SREK1IP1: variants seen among roughly 807,000 people sequenced by gnomAD.
The protein encoded by SREK1IP1 is protein SREK1IP1.
A neutral mutation model predicts 22.8 loss-of-function variants in SREK1IP1; 12 were observed. The ratio of observed to expected loss-of-function variants is 0.53; its 90% confidence interval spans 0.34 to 0.85. The LOEUF (loss-of-function observed/expected upper bound fraction) is 0.85. SREK1IP1 is among the 40% of genes least tolerant of loss of function. SREK1IP1 has a pLI of 0.02. For synonymous variants in SREK1IP1, 53 were observed against 52.7 expected, an observed-to-expected ratio of 1.01 and a Z score of -0.02; for missense variants, 147 against 171.8, an observed-to-expected ratio of 0.86 and a Z score of 0.81.
rs892565083 is a variant in SREK1IP1, at chr5:64,722,462, ATATTT to A, written c.*1917_*1921del. 18 of 152,194 alleles carry A rather than the reference ATATTT, an allele frequency of 1.2e-4. No individual in the cohort carries two copies. Among genetic ancestry groups the A allele is most frequent in the African/African-American group, 4.1e-4 (17 of 41,460 alleles). The allele number at this position is 152,194 out of a possible 1,614,324, so 9.4% of individuals were successfully genotyped here. ...TGTAGCATTTTCTAATTATTTTTTA[ATATTT>A]TATTTTACTGTTATTTTTTCAAGGC... On this transcript the variant is annotated 3_prime_UTR_variant, in exon 5 of 5. Coordinates refer to ENST00000513458, the MANE Select transcript of SREK1IP1 (RefSeq NM_173829.4).
intron 3 of SREK1IP1, 117 bp downstream of exon 3, chr5:64,740,940 T>C (rs1437297720): frequency 3.3e-6 from 3 of 904,034 alleles, no homozygotes; most frequent in African/African-American, 3.4e-5. Context: ...CTATTTCCTA[T>C]GCAGTAGCTC....
At position 64,754,837 on chromosome 5, in the gene SREK1IP1, C is replaced by A. The variant is rs537630978; in HGVS notation, c.14-475G>T. ...CTTAATGACCTACTCAATTATATGACTCTTATAAATCAACAGAAAGGCCAA... is the reference window on the plus strand; with the variant it reads ...CTTAATGACCTACTCAATTATATGAATCTTATAAATCAACAGAAAGGCCAA... On this transcript the variant is annotated intron_variant, in intron 1 of 4. Transcript: ENST00000513458. The A allele has an allele frequency of 5.9e-5, 9 of 152,594 alleles. No individual in the cohort carries two copies. The East Asian group carries it at 1.7e-3, about 29-fold the overall frequency. The allele number at this position is 152,594 out of a possible 1,614,324, so 9.5% of individuals were successfully genotyped here. A position where few individuals can be genotyped will look rare whatever the true frequency, so the allele number is the denominator to read the frequency against.
chr5:64,741,817 A>C (rs571243248), intron 2 of SREK1IP1, among the ~76,000 whole-genome samples: 1 of 151,570 alleles, frequency 6.6e-6, no homozygotes, highest in Non-Finnish European at 1.5e-5. Context: ...TATAAAAGTA[A>C]AGAAAATAAT....
At position 64,753,862 on chromosome 5, in the gene SREK1IP1, T is replaced by C. The variant is rs530652605; in HGVS notation, c.61+453A>G. 2.6e-5 allele frequency among the ~76,000 whole-genome samples: 4 copies of C among 152,300 alleles called. No individual in the cohort carries two copies. In the East Asian group the frequency reaches 7.7e-4, roughly 29 times the overall value. Reference sequence around the variant, plus strand: ...CTCACTTAATCATAATGGAGATTAATAATTGTTTAAATCAAGTTTTCGCCC... The same window carrying C: ...CTCACTTAATCATAATGGAGATTAACAATTGTTTAAATCAAGTTTTCGCCC... On this transcript the variant is annotated intron_variant, in intron 2 of 4. Coordinates refer to ENST00000513458, the MANE Select transcript of SREK1IP1 (RefSeq NM_173829.4).
rs185371138 is a variant in SREK1IP1, at chr5:64,751,280, T to C, written c.61+3035A>G. On this transcript the variant is annotated intron_variant, in intron 2 of 4. Coordinates refer to ENST00000513458, the MANE Select transcript of SREK1IP1 (RefSeq NM_173829.4). ...TCCCTCGGTTTATGCCTATATTATT[T>C]TACTCCACCATCTGATATTGTACTC... Among the ~76,000 whole-genome samples, 25 of 152,370 alleles carry C rather than the reference T, an allele frequency of 1.6e-4. No homozygotes were observed. In the East Asian group the frequency reaches 4.2e-3, roughly 26 times the overall value.
Position 64,719,125 on chromosome 5 carries a change from T to G in SREK1IP1, c.*5259A>C, listed in dbSNP as rs1395133955. Reference sequence around the variant, plus strand: ...TGATGATGGAAATGTTCTTTCTATATCTGCACTAATATGGTAGCCACCAGT... The same window carrying G: ...TGATGATGGAAATGTTCTTTCTATAGCTGCACTAATATGGTAGCCACCAGT... On this transcript the variant is annotated 3_prime_UTR_variant, in exon 5 of 5. Transcript: ENST00000513458. 1 of 152,214 alleles carries G rather than the reference T, an allele frequency of 6.6e-6. No individual in the cohort carries two copies. The highest frequency in any genetic ancestry group is 1.5e-5 in the Non-Finnish European group (1 of 68,026). The allele number at this position is 152,214 out of a possible 1,614,324, so 9.4% of individuals were successfully genotyped here.
chr5:64,753,750 T>C (rs892250588), intron 2 of SREK1IP1, among the ~76,000 whole-genome samples: 7 of 152,248 alleles, frequency 4.6e-5, no homozygotes, highest in African/African-American at 1.7e-4. Context: ...CTTTAGGCAT[T>C]ACTATATTTA....
chr5:64,754,168 A>G (rs1742796519), intron 2 of SREK1IP1, 147 bp downstream of exon 2: 1 of 685,498 alleles, frequency 1.5e-6, no homozygotes, highest in South Asian at 2.2e-5. Context: ...TAGTGCTAAC[A>G]GAGGAATTTC....
At chr5:64,747,699 T>C (rs759933714) in intron 2 of SREK1IP1, among the ~76,000 whole-genome samples, 6 of 149,772 alleles carry the variant, frequency 4.0e-5, no homozygotes, top group Non-Finnish European at 8.9e-5. Flanking sequence ...GAGGTAGAGG[T>C]GGGTGGATCA....
chr5:64,739,067 G>A (rs1461795595), intron 3 of SREK1IP1, among the ~76,000 whole-genome samples: 1 of 152,050 alleles, frequency 6.6e-6, no homozygotes, highest in Non-Finnish European at 1.5e-5. Flanking sequence ...CTTGTTCCCT[G>A]TGATATGAAG....
chr5:64,737,570 GA>G (rs1742486448), intron 3 of SREK1IP1, among the ~76,000 whole-genome samples: 1 of 122,898 alleles, frequency 8.1e-6, no homozygotes, highest in African/African-American at 3.0e-5. Flanking sequence ...ATACCTTTAA[GA>G]AACTAGAAAA....
At chr5:64,734,237 C>T (rs957194140) in intron 3 of SREK1IP1, among the ~76,000 whole-genome samples, 3 of 151,998 alleles carry the variant, frequency 2.0e-5, no homozygotes, top group Non-Finnish European at 2.9e-5. Context: ...TATTCTGTTC[C>T]ATTGATCTAT....
chr5:64,766,526 CTT>C (rs1179613450), intron 1 of SREK1IP1, among the ~76,000 whole-genome samples: 1 of 152,248 alleles, frequency 6.6e-6, no homozygotes, highest in East Asian at 1.9e-4. Flanking sequence ...AACTGGTAAA[CTT>C]TGTCTCCAAT....
At chr5:64,744,753 C>CAATA (rs1157032311) in intron 2 of SREK1IP1, among the ~76,000 whole-genome samples, 3 of 152,162 alleles carry the variant, frequency 2.0e-5, no homozygotes, top group African/African-American at 7.2e-5. Context: ...GATATCAGCA[C>CAATA]AATTTTTAAC....
intron 4 of SREK1IP1, among the ~76,000 whole-genome samples, chr5:64,726,641 A>G (rs566861495): frequency 5.3e-5 from 8 of 152,272 alleles, no homozygotes; most frequent in African/African-American, 1.9e-4. Context: ...CGCCTTGATA[A>G]ATCTATCTGA....
intron 2 of SREK1IP1, among the ~76,000 whole-genome samples, chr5:64,752,624 T>C (rs10471639): frequency 0.33 from 49,638 of 152,082 alleles, 8,461 homozygotes; most frequent in East Asian, 0.51. Flanking sequence ...ATTCTTTAAA[T>C]TGTACAATCT....
At chr5:64,767,583 C>A (rs1043562865) in intron 1 of SREK1IP1, among the ~76,000 whole-genome samples, 1 of 152,194 alleles carries the variant, frequency 6.6e-6, no homozygotes, top group Admixed American at 6.5e-5. Context: ...GAATAAAGAA[C>A]CTGGTCAAAT....
chr5:64,728,785 G>A (rs538773894), intron 3 of SREK1IP1, among the ~76,000 whole-genome samples: 1 of 152,090 alleles, frequency 6.6e-6, no homozygotes, highest in African/African-American at 2.4e-5. Context: ...AAACACAGAA[G>A]TGTTCCCATT....
At chr5:64,727,553 A>ATATATATTTTTTTTTT in intron 4 of SREK1IP1, 9 of 84,682 alleles carry the variant, frequency 1.1e-4, no homozygotes, top group African/African-American at 4.9e-4. Flanking sequence ...ATATATATAT[A>ATATATATTTTTTTTTT]TTTTTTTTTT....
Sources: gnomAD v4.1 joint callset for allele counts (sites outside exome capture counted in the v4.1 genomes callset) on GRCh38, gnomAD v4.1.1 for gene constraint, MANE v1.5 for transcripts, NCBI Gene and HGNC (gene_info 2026-07-23, HGNC 2026-07-21) for gene names.